Variants in DMD observed in about 807,000 individuals in gnomAD.
DMD encodes the protein dystrophin.
DMD carries 63 observed loss-of-function variants against 330.1 expected under a neutral mutation model. The ratio of observed to expected loss-of-function variants is 0.19; its 90% CI spans 0.16 to 0.24. The LOEUF (loss-of-function observed/expected upper bound fraction) is 0.24, where lower values mean the gene tolerates loss of function less well. Among genes scored for constraint, DMD ranks in the 10% least tolerant of loss-of-function variants. The pLI is 1.00. For missense variants in DMD, 3,344 were observed against 2,684.1 expected, an observed-to-expected ratio of 1.25 and a Z score of -5.43; for synonymous variants, 1,223 against 959.8, an observed-to-expected ratio of 1.27 and a Z score of -5.07.
chrX:33,136,278 CAAAAAAAAAAAA>C lies in DMD; in HGVS notation c.31+74992_31+75003del, dbSNP rs57297863. 6.1e-4 allele frequency among the ~76,000 whole-genome samples: 12 copies of C among 19,717 alleles called. 1 individual carries two copies. The highest frequency in any genetic ancestry group is 3.3e-3 in the Admixed American group (3 of 921). The allele number at this position is 19,717 out of a possible 115,157, so 17.1% of individuals were successfully genotyped here. Reference sequence around the variant, plus strand: ...TGGGTGGCAGAGTGAGACCCCGTCTCAAAAAAAAAAAAAAAAAAAAAAAAAAAACCACAACAG... The same window carrying C: ...TGGGTGGCAGAGTGAGACCCCGTCTCAAAAAAAAAAAAAAAACCACAACAG... On this transcript the variant is annotated intron_variant, in intron 1 of 78. Coordinates refer to ENST00000357033, the MANE Select transcript of DMD (RefSeq NM_004006.3).
intron 64 of DMD, among the ~76,000 whole-genome samples, chrX:31,220,237 C>G (rs953060916): frequency 9.0e-6 from 1 of 111,478 alleles, no homozygotes; most frequent in South Asian, 3.8e-4. Flanking sequence ...AACTCCTCAG[C>G]CCCCTCCAAC....
chrX:32,739,071 T>C (rs2068893304), intron 7 of DMD, among the ~76,000 whole-genome samples: 1 of 112,105 alleles, frequency 8.9e-6, no homozygotes. Context: ...GCACTAAATG[T>C]TTCAAATCAA....
chrX:32,543,964 C>A (rs774696649), intron 17 of DMD, among the ~76,000 whole-genome samples: 195 of 112,236 alleles, frequency 1.7e-3, no homozygotes, highest in African/African-American at 6.2e-3. Context: ...TTATTTATAA[C>A]ACTGAAATTT....
chrX:32,356,244 A>G (rs908426566), intron 37 of DMD, among the ~76,000 whole-genome samples: 7 of 109,668 alleles, frequency 6.4e-5, no homozygotes, highest in Admixed American at 5.9e-4. Context: ...ATTAGGCCCA[A>G]TCATGTGTTT....
chrX:31,759,392 A>T (rs2089394908), intron 51 of DMD, among the ~76,000 whole-genome samples: 1 of 111,501 alleles, frequency 9.0e-6, no homozygotes, highest in East Asian at 2.8e-4. Flanking sequence ...TATAAAATCC[A>T]TTCTATTTCT....
intron 43 of DMD, among the ~76,000 whole-genome samples, chrX:32,274,852 T>C (rs1257448656): frequency 8.9e-6 from 1 of 112,199 alleles, no homozygotes; most frequent in Non-Finnish European, 1.9e-5. Context: ...AGGAGACGCT[T>C]TGATAGTCCA....
intron 42 of DMD, among the ~76,000 whole-genome samples, chrX:32,298,644 C>G (rs1375032606): frequency 9.0e-6 from 1 of 110,667 alleles, no homozygotes; most frequent in Non-Finnish European, 1.9e-5. Context: ...TATTCCCTTT[C>G]CAGACCTCTT....
At chrX:32,496,677 C>T (rs1249711551) in intron 19 of DMD, among the ~76,000 whole-genome samples, 3 of 112,820 alleles carry the variant, frequency 2.7e-5, no homozygotes, top group African/African-American at 9.6e-5. Flanking sequence ...TCTGCGCATG[C>T]GAGTTCACCC....
intron 2 of DMD, among the ~76,000 whole-genome samples, chrX:32,870,366 G>T (rs747074250): frequency 9.0e-6 from 1 of 111,526 alleles, no homozygotes; most frequent in Non-Finnish European, 1.9e-5. Flanking sequence ...ATAATTTATA[G>T]ATTCAATGCT....
chrX:32,476,299 A>T (rs970232440), intron 21 of DMD, among the ~76,000 whole-genome samples: 1 of 111,700 alleles, frequency 9.0e-6, no homozygotes, highest in Non-Finnish European at 1.9e-5. Flanking sequence ...ATCACTTCAT[A>T]TTGGTAAACT....
chrX:33,237,327 T>C (rs780497500), intron 1 of DMD, among the ~76,000 whole-genome samples: 1 of 107,616 alleles, frequency 9.3e-6, no homozygotes, highest in Non-Finnish European at 1.9e-5. Flanking sequence ...CACTGCAACC[T>C]GTGCCTTCCA....
At chrX:31,803,338 CA>C (rs1161000238) in intron 50 of DMD, among the ~76,000 whole-genome samples, 1 of 112,561 alleles carries the variant, frequency 8.9e-6, no homozygotes, top group Non-Finnish European at 1.9e-5. Context: ...CTCCAGGCAC[CA>C]GGGGAATCTG....
chrX:32,186,871 T>G (rs1280977919), intron 44 of DMD, among the ~76,000 whole-genome samples: 2 of 111,028 alleles, frequency 1.8e-5, no homozygotes, highest in Non-Finnish European at 3.8e-5. Context: ...ATTCATTGTA[T>G]GAAAGCAAAG....
chrX:31,315,540 G>A (rs1400357746), intron 62 of DMD, among the ~76,000 whole-genome samples: 1 of 112,170 alleles, frequency 8.9e-6, no homozygotes, highest in African/African-American at 3.2e-5. Context: ...AAAAGAAAAT[G>A]GGGAAATAGC....
intron 41 of DMD, among the ~76,000 whole-genome samples, chrX:32,320,935 C>T (rs2097610404): frequency 9.0e-6 from 1 of 111,426 alleles, no homozygotes; most frequent in Admixed American, 9.6e-5. Flanking sequence ...GGTGAAAACT[C>T]AACTAATTTG....
At chrX:32,698,028 G>C in intron 8 of DMD, 30 bp from the exon 9 acceptor site, 1 of 1,171,087 alleles carries the variant, frequency 8.5e-7, no homozygotes, top group African/African-American at 1.8e-5. Flanking sequence ...GGAGTGGATA[G>C]AGAGGAGGGG....
At chrX:32,640,960 C>A (rs755032982) in intron 11 of DMD, among the ~76,000 whole-genome samples, 1 of 111,703 alleles carries the variant, frequency 9.0e-6, no homozygotes, top group Admixed American at 9.5e-5. Flanking sequence ...ATCTAACTTA[C>A]CACCCTGCAA....
intron 11 of DMD, among the ~76,000 whole-genome samples, chrX:32,627,393 A>C (rs1170659716): frequency 9.5e-6 from 1 of 105,170 alleles, no homozygotes; most frequent in African/African-American, 4.0e-5. Flanking sequence ...CAAATAAAAA[A>C]GAAGACTTAC....
At chrX:31,161,604 C>G (rs775650693) in intron 74 of DMD, among the ~76,000 whole-genome samples, 12 of 111,303 alleles carry the variant, frequency 1.1e-4, no homozygotes, top group African/African-American at 3.9e-4. Flanking sequence ...ATGCCTCCCC[C>G]TCTCCATTTT....
Sources: gnomAD v4.1 joint callset for allele counts (sites outside exome capture counted in the v4.1 genomes callset) on GRCh38, gnomAD v4.1.1 for gene constraint, MANE v1.5 for transcripts, NCBI Gene and HGNC (gene_info 2026-07-23, HGNC 2026-07-21) for gene names.